ASTN2: variants seen among roughly 807,000 people sequenced by gnomAD.
ASTN2 encodes the protein astrotactin 2, also known as astrotactin-2.
A neutral mutation model predicts 139.8 loss-of-function variants in ASTN2; 54 were observed. The observed-to-expected ratio is 0.39, with a 90% CI of 0.31 to 0.48. The LOEUF is 0.48. Among genes scored for constraint, ASTN2 ranks in the 20% least tolerant of loss-of-function variants. The pLI, the probability that ASTN2 is intolerant of heterozygous loss-of-function variation, is 0.95. For missense variants in ASTN2, 1,565 were observed against 1,725.1 expected (o/e 0.91, Z 1.64); for synonymous variants, 756 against 719.5 (o/e 1.05, Z -0.81).
At chr9:117,138,808 A>G (rs1830009607) in intron 4 of ASTN2, among the ~76,000 whole-genome samples, 1 of 152,204 alleles carries the variant, frequency 6.6e-6, no homozygotes. Context: ...TTTATTAATA[A>G]TCTGACTATG....
At chr9:116,933,943 G>C (rs1026657667) in intron 10 of ASTN2, among the ~76,000 whole-genome samples, 15 of 143,050 alleles carry the variant, frequency 1.0e-4, no homozygotes, top group African/African-American at 3.6e-4. Context: ...GAATATGGTG[G>C]GGCCCTGGAG....
At chr9:116,635,169 GT>G (rs1357156762) in intron 17 of ASTN2, among the ~76,000 whole-genome samples, 1 of 152,170 alleles carries the variant, frequency 6.6e-6, no homozygotes, top group East Asian at 1.9e-4. Context: ...TCTGATTCAA[GT>G]ACTGCCTTTT....
At chr9:117,246,846 A>T (rs1336658537) in intron 2 of ASTN2, among the ~76,000 whole-genome samples, 2 of 152,154 alleles carry the variant, frequency 1.3e-5, no homozygotes, top group East Asian at 3.9e-4. Context: ...TGAACCAGTA[A>T]TCACCAAAGG....
At chr9:117,260,475 T>G (rs545909934) in intron 2 of ASTN2, among the ~76,000 whole-genome samples, 9 of 152,254 alleles carry the variant, frequency 5.9e-5, no homozygotes, top group African/African-American at 2.2e-4. Flanking sequence ...ACAAACTTCA[T>G]GTGCTTTAGT....
chr9:117,402,024 T>G (rs901303064), intron 1 of ASTN2, among the ~76,000 whole-genome samples: 2 of 152,106 alleles, frequency 1.3e-5, no homozygotes, highest in Non-Finnish European at 2.9e-5. Context: ...TGGATGAAGG[T>G]GATGCCAGTG....
chr9:116,519,410 T>C (rs1850778312), intron 19 of ASTN2, among the ~76,000 whole-genome samples: 1 of 152,008 alleles, frequency 6.6e-6, no homozygotes, highest in Non-Finnish European at 1.5e-5. Flanking sequence ...GAATGATCAT[T>C]GGGTCAACAA....
Position 117,188,376 on chromosome 9 carries a change from C to T in ASTN2, c.1015+25982G>A, listed in dbSNP as rs74991158. On this transcript the variant is annotated intron_variant, in intron 3 of 22. Transcript: ENST00000313400. ...TAGCATGAGGAGTTTTCCGAAGTTG[C>T]CTGCGTATATTAATACTGGAAGGTG... 7.2e-5 allele frequency among the ~76,000 whole-genome samples: 11 copies of T among 152,184 alleles called. No homozygotes were observed. The East Asian group carries it at 1.4e-3, about 19-fold the overall frequency.
intron 10 of ASTN2, among the ~76,000 whole-genome samples, chr9:116,924,300 C>T (rs372330000): frequency 4.0e-5 from 6 of 149,854 alleles, no homozygotes; most frequent in Non-Finnish European, 8.9e-5. Flanking sequence ...TGTGGTGGCA[C>T]GATCCTGTAA....
intron 7 of ASTN2, among the ~76,000 whole-genome samples, chr9:116,985,296 G>A (rs1027062439): frequency 6.6e-6 from 1 of 152,172 alleles, no homozygotes; most frequent in Non-Finnish European, 1.5e-5. Context: ...TCATCAGCAC[G>A]CCTCTGAGAG....
intron 20 of ASTN2, among the ~76,000 whole-genome samples, chr9:116,465,392 C>T (rs1041076985): frequency 3.3e-5 from 5 of 152,160 alleles, no homozygotes; most frequent in Non-Finnish European, 7.3e-5. Context: ...TTGGGGCATC[C>T]GGCCCTGATA....
At chr9:116,606,633 A>G (rs1855221399) in intron 19 of ASTN2, among the ~76,000 whole-genome samples, 1 of 152,156 alleles carries the variant, frequency 6.6e-6, no homozygotes, top group Admixed American at 6.5e-5. Flanking sequence ...TGTCTAACCA[A>G]AACAAGTCTT....
chr9:117,116,579 GTTT>G (rs5900265), intron 4 of ASTN2, among the ~76,000 whole-genome samples: 1 of 145,238 alleles, frequency 6.9e-6, no homozygotes, highest in African/African-American at 2.6e-5. Flanking sequence ...TTCATCAAAA[GTTT>G]TTTTTTTTTT....
At chr9:116,484,650 T>C (rs1363830868) in intron 20 of ASTN2, among the ~76,000 whole-genome samples, 1 of 152,044 alleles carries the variant, frequency 6.6e-6, no homozygotes, top group African/African-American at 2.4e-5. Flanking sequence ...GCGGCCCGGA[T>C]CCCAGGGCCA....
At chr9:117,061,633 C>T (rs559167031) in intron 5 of ASTN2, among the ~76,000 whole-genome samples, 81 of 152,186 alleles carry the variant, frequency 5.3e-4, no homozygotes, top group African/African-American at 1.8e-3. Context: ...GGCCATAAAT[C>T]GTGTATAACA....
chr9:116,580,192 T>C (rs1226677483), intron 19 of ASTN2, among the ~76,000 whole-genome samples: 3 of 152,172 alleles, frequency 2.0e-5, no homozygotes, highest in Non-Finnish European at 4.4e-5. Context: ...TTTTGGGACA[T>C]TAGCAGCTCA....
chr9:117,180,169 A>G (rs2132943837), intron 3 of ASTN2, among the ~76,000 whole-genome samples: 1 of 152,286 alleles, frequency 6.6e-6, no homozygotes, highest in Non-Finnish European at 1.5e-5. Flanking sequence ...TTGTGCCACC[A>G]TGTTAAATGA....
chr9:116,989,422 T>C (rs1018016895), intron 7 of ASTN2, among the ~76,000 whole-genome samples: 2 of 152,182 alleles, frequency 1.3e-5, no homozygotes, highest in African/African-American at 2.4e-5. Flanking sequence ...TCAGCCTCAA[T>C]TGCAGGCAGA....
In ASTN2 at chr9:116,569,725, C is replaced by T. The variant is rs149872614; in HGVS notation, c.3355+48599G>A. ...GACACCTGGCTCATATGGTAGGCTG[C>T]GTGATGATGGAGCCGAGAGCTGAAC... is the stretch of plus-strand genomic sequence containing the variant. On this transcript the variant is annotated intron_variant, in intron 19 of 22. Coordinates refer to ENST00000313400, the MANE Select transcript of ASTN2 (RefSeq NM_001365068.1). 8.8e-4 allele frequency among the ~76,000 whole-genome samples: 134 copies of T among 152,240 alleles called. 1 individual carries two copies. The highest frequency in any genetic ancestry group is 2.2e-3 in the Admixed American group (34 of 15,288).
chr9:117,054,342 G>A (rs1587909034), intron 5 of ASTN2, among the ~76,000 whole-genome samples: 2 of 152,182 alleles, frequency 1.3e-5, no homozygotes, highest in East Asian at 3.9e-4. Flanking sequence ...GCCACCTGGA[G>A]CAAATCCCTT....
Sources: allele counts gnomAD v4.1 joint callset (sites outside exome capture counted in the v4.1 genomes callset), GRCh38; gene constraint gnomAD v4.1.1; transcripts MANE v1.5; gene names NCBI Gene and HGNC (gene_info 2026-07-23, HGNC 2026-07-21).